MAPK4: variants seen among roughly 807,000 people sequenced by gnomAD.
MAPK4 encodes mitogen-activated protein kinase 4, also known as Erk3-related.
A neutral mutation model predicts 47.7 loss-of-function variants in MAPK4; 22 were observed. That is an observed-to-expected ratio of 0.46 (90% CI 0.33 to 0.66). The LOEUF is 0.66. Among genes scored for constraint, MAPK4 ranks in the 30% least tolerant of loss-of-function variants. The pLI is 0.02. For synonymous variants in MAPK4, 390 were observed against 365.7 expected (o/e 1.07, Z -0.76); for missense variants, 736 against 831.7 (o/e 0.88, Z 1.42).
chr18:50,678,013 A>G lies in MAPK4; in HGVS notation c.546+13509A>G, dbSNP rs914837177. 1.3e-5 allele frequency among the ~76,000 whole-genome samples: 2 copies of G among 152,104 alleles called. No individual in the cohort carries two copies. The highest frequency in any genetic ancestry group is 2.9e-5 in the Non-Finnish European group (2 of 68,008). On this transcript the variant is annotated intron_variant, in intron 2 of 5. Transcript: ENST00000400384. This position sits in a 1 kb window ranked among gnomAD's most constrained non-coding sequence, Gnocchi z 4.2. ...TCATAGGTAGAGTGGGCAGGTACTA[A>G]CTAGTGCCATGTGAGCCTAAGCAAG...
intron 1 of MAPK4, among the ~76,000 whole-genome samples, chr18:50,637,993 G>T (rs2042902704): frequency 6.6e-6 from 1 of 152,292 alleles, no homozygotes; most frequent in South Asian, 2.1e-4. Flanking sequence ...TGAATTTGGA[G>T]GATACAAGTC....
intron 2 of MAPK4, among the ~76,000 whole-genome samples, chr18:50,700,476 G>C (rs949538116): frequency 2.0e-5 from 3 of 152,186 alleles, no homozygotes; most frequent in Non-Finnish European, 4.4e-5. Context: ...ATATATTTCA[G>C]TTTTGCAAAC....
Position 50,660,543 on chromosome 18 carries a change from C to T in MAPK4, c.-870-2546C>T, listed in dbSNP as rs115097557. Among the ~76,000 whole-genome samples, 1,020 of 152,294 alleles carry T rather than the reference C, an allele frequency of 6.7e-3. 12 individuals carry two copies. The highest frequency in any genetic ancestry group is 0.024 in the African/African-American group (982 of 41,556). ...CCCTGTAAGCTACTTGTGAAGCTTA[C>T]AGTCTAGTTGGGAGATGGACATGTA... On this transcript the variant is annotated intron_variant, in intron 1 of 5. Coordinates refer to ENST00000400384, the MANE Select transcript of MAPK4 (RefSeq NM_002747.4).
chr18:50,564,525 A>G (rs1022921297), intron 1 of MAPK4, among the ~76,000 whole-genome samples: 3 of 152,194 alleles, frequency 2.0e-5, no homozygotes, highest in Non-Finnish European at 4.4e-5. Context: ...GTTATTATGT[A>G]TCATGCCATA....
chr18:50,568,961 A>C (rs1319822166), intron 1 of MAPK4, among the ~76,000 whole-genome samples: 1 of 152,146 alleles, frequency 6.6e-6, no homozygotes, highest in Non-Finnish European at 1.5e-5. Flanking sequence ...TGTAATTTTT[A>C]TGTTGAGCTT....
At position 50,729,303 on chromosome 18, in the gene MAPK4, T is replaced by A; in HGVS notation, c.1213T>A (p.Ser405Thr). Reference protein sequence around the residue: ...VDPRKDSHSSSERFLEQSHSS... With the variant: ...VDPRKDSHSSTERFLEQSHSS... ...CCCGCGCAAGGACTCGCACAGCAGC[T>A]CCGAGCGCTTCCTAGAGCAGTCGCA... The change falls in exon 6 of 6, where the codon TCC becomes ACC. Residue 405 changes from serine to threonine, a missense_variant. By Grantham distance (58) the Ser-to-Thr change is moderately conservative. Transcript: ENST00000400384. 2 of 1,606,584 alleles carry A rather than the reference T, an allele frequency of 1.2e-6. No homozygotes were observed. The highest frequency in any genetic ancestry group is 1.7e-6 in the Non-Finnish European group (2 of 1,176,794).
chr18:50,625,209 G>C (rs2042766322), intron 1 of MAPK4, among the ~76,000 whole-genome samples: 1 of 152,136 alleles, frequency 6.6e-6, no homozygotes, highest in African/African-American at 2.4e-5. Flanking sequence ...ACAAGTCAAG[G>C]AGGAACCAAA....
chr18:50,707,159 T>C (rs886675745), intron 2 of MAPK4, among the ~76,000 whole-genome samples: 1 of 152,156 alleles, frequency 6.6e-6, no homozygotes, highest in Non-Finnish European at 1.5e-5. Flanking sequence ...GTGAGGTCCC[T>C]AGAGCCATCA....
At chr18:50,582,205 G>A (rs1226553412) in intron 1 of MAPK4, among the ~76,000 whole-genome samples, 3 of 152,156 alleles carry the variant, frequency 2.0e-5, no homozygotes, top group African/African-American at 7.2e-5. Context: ...CCACTGGGCT[G>A]GCTGATTATG....
intron 1 of MAPK4, among the ~76,000 whole-genome samples, chr18:50,647,729 A>G (rs2043003530): frequency 6.6e-6 from 1 of 152,110 alleles, no homozygotes; most frequent in African/African-American, 2.4e-5. Context: ...CCTTTGCCAC[A>G]GTTCCTGCCT....
intron 2 of MAPK4, among the ~76,000 whole-genome samples, chr18:50,665,291 C>T (rs572478661): frequency 6.6e-6 from 1 of 152,328 alleles, no homozygotes; most frequent in South Asian, 2.1e-4. Flanking sequence ...AGTCCTCTGA[C>T]ATTCCCTTCC....
intron 1 of MAPK4, among the ~76,000 whole-genome samples, chr18:50,595,399 A>G (rs2042472998): frequency 6.6e-6 from 1 of 152,234 alleles, no homozygotes; most frequent in Admixed American, 6.5e-5. Flanking sequence ...ATGCAAAATA[A>G]TCTCCAAAAC....
At chr18:50,615,529 C>T (rs1388321841) in intron 1 of MAPK4, among the ~76,000 whole-genome samples, 2 of 152,166 alleles carry the variant, frequency 1.3e-5, no homozygotes, top group Non-Finnish European at 2.9e-5. Flanking sequence ...CCTCTTTTTC[C>T]AGACCTGATC....
chr18:50,630,970 T>A (rs192805258), intron 1 of MAPK4, among the ~76,000 whole-genome samples: 2 of 152,332 alleles, frequency 1.3e-5, no homozygotes, highest in Non-Finnish European at 2.9e-5. Flanking sequence ...GATTCTGTAT[T>A]TGCCAATTTT....
chr18:50,595,433 G>GA (rs2042473391), intron 1 of MAPK4, among the ~76,000 whole-genome samples: 2 of 152,140 alleles, frequency 1.3e-5, no homozygotes, highest in Admixed American at 1.3e-4. Flanking sequence ...AAAAATCCAG[G>GA]AAAAAAACAT....
chr18:50,570,890 C>T (rs550443488), intron 1 of MAPK4, among the ~76,000 whole-genome samples: 4 of 152,314 alleles, frequency 2.6e-5, no homozygotes, highest in African/African-American at 7.2e-5. Context: ...ACTTCTCATC[C>T]TCCACCTTAC....
chr18:50,615,329 C>T (rs2042675681), intron 1 of MAPK4, among the ~76,000 whole-genome samples: 1 of 152,180 alleles, frequency 6.6e-6, no homozygotes, highest in African/African-American at 2.4e-5. Flanking sequence ...ACTTCCTTCT[C>T]ATATAGCACT....
At chr18:50,652,963 C>T (rs1427178087) in intron 1 of MAPK4, among the ~76,000 whole-genome samples, 5 of 152,066 alleles carry the variant, frequency 3.3e-5, no homozygotes, top group Admixed American at 3.3e-4. Flanking sequence ...AGGAAGATTG[C>T]TTGAGCCCAG....
chr18:50,696,858 G>C (rs1418122057), intron 2 of MAPK4, among the ~76,000 whole-genome samples: 2 of 152,126 alleles, frequency 1.3e-5, no homozygotes, highest in Admixed American at 6.5e-5. Flanking sequence ...TTCCTGGTAT[G>C]GGGTCCCTTG....
Sources: gnomAD v4.1 joint callset for allele counts (sites outside exome capture counted in the v4.1 genomes callset) on GRCh38, gnomAD v4.1.1 for gene constraint, Gnocchi (gnomAD v3.1) non-coding constraint, MANE v1.5 for transcripts, NCBI Gene and HGNC (gene_info 2026-07-23, HGNC 2026-07-21) for gene names.